Variants in MARCO observed in about 807,000 individuals in gnomAD.
MARCO encodes the protein macrophage receptor MARCO.
In MARCO, 72 loss-of-function variants were observed where a neutral mutation model predicts 70.0. The observed-to-expected ratio is 1.03, with a 90% CI of 0.85 to 1.25. MARCO has a LOEUF of 1.25. MARCO is among the 50% of genes most tolerant of loss of function. The pLI is 0.00. For missense variants in MARCO, 696 were observed against 659.3 expected (o/e 1.06, Z -0.61); for synonymous variants, 273 against 243.1 (o/e 1.12, Z -1.14).
At chr2:118,957,742 A>C (rs1418533208) in intron 1 of MARCO, among the ~76,000 whole-genome samples, 1 of 152,106 alleles carries the variant, frequency 6.6e-6, no homozygotes, top group Non-Finnish European at 1.5e-5. Context: ...TGATGAACAT[A>C]GATGTGAAAA....
intron 1 of MARCO, among the ~76,000 whole-genome samples, chr2:118,968,534 C>T (rs1033119102): frequency 1.3e-5 from 2 of 152,006 alleles, no homozygotes; most frequent in Non-Finnish European, 2.9e-5. Context: ...AAGACCACAC[C>T]CCAGAGTGCT....
Position 118,990,080 on chromosome 2 carries a change from C to T in MARCO, c.1064-509C>T, listed in dbSNP as rs1488058551. On this transcript the variant is annotated intron_variant, in intron 12 of 16. Coordinates refer to ENST00000327097, the MANE Select transcript of MARCO (RefSeq NM_006770.4). ...ATTTTTCCATTTTCTGGACATTAGACCCTTTAGCCACATGAATCTTTAGCC... is the reference window on the plus strand; with the variant it reads ...ATTTTTCCATTTTCTGGACATTAGATCCTTTAGCCACATGAATCTTTAGCC... Among the ~76,000 whole-genome samples, 5 of 152,166 alleles carry T rather than the reference C, an allele frequency of 3.3e-5. No homozygotes were observed. The East Asian group carries it at 7.7e-4, about 23-fold the overall frequency.
intron 1 of MARCO, among the ~76,000 whole-genome samples, chr2:118,943,986 G>A (rs1346254684): frequency 6.6e-6 from 1 of 152,102 alleles, no homozygotes; most frequent in African/African-American, 2.4e-5. Context: ...GAGGGGCAGT[G>A]GATGGAAGGC....
At chr2:118,971,964 G>A (rs750544651) in intron 4 of MARCO, among the ~76,000 whole-genome samples, 4 of 152,220 alleles carry the variant, frequency 2.6e-5, no homozygotes, top group African/African-American at 7.2e-5. Context: ...GTAATGATGG[G>A]AGGCAGGTGT....
intron 2 of MARCO, 140 bp downstream of exon 2, chr2:118,969,401 G>C (rs1227994319): frequency 1.5e-6 from 1 of 649,128 alleles, no homozygotes; most frequent in Non-Finnish European, 2.7e-6. Context: ...TCAGCCCCTG[G>C]CAGCCACAGT....
intron 12 of MARCO, 140 bp from the exon 13 acceptor site, chr2:118,990,449 G>T (rs568338465): frequency 6.4e-6 from 5 of 781,706 alleles, no homozygotes; most frequent in South Asian, 1.7e-5. Flanking sequence ...TGCTGAAGAG[G>T]CTTTAAACAA....
Position 118,981,388 on chromosome 2 carries a change from C to A in MARCO, c.767-21C>A, listed in dbSNP as rs770276668. 5.1e-5 allele frequency: 79 copies of A among 1,552,898 alleles called. No homozygotes were observed. In the East Asian group the frequency reaches 1.7e-3, roughly 34 times the overall value. ...GATTGGAGTTCCTCCCACAACTAAC[C>A]AAGACTTTTTGGTTTTTCAGGAAGC... On this transcript the variant is annotated intron_variant, in intron 8 of 16. Coordinates refer to ENST00000327097, the MANE Select transcript of MARCO (RefSeq NM_006770.4).
chr2:118,945,471 G>C (rs187961664), intron 1 of MARCO, among the ~76,000 whole-genome samples: 1 of 150,946 alleles, frequency 6.6e-6, no homozygotes, highest in African/African-American at 2.4e-5. Flanking sequence ...GGAGTGCAGG[G>C]GAGCGATCTC....
At chr2:118,977,794 T>G (rs2104590555) in intron 7 of MARCO, 34 bp from the exon 8 acceptor site, 1 of 1,533,056 alleles carries the variant, frequency 6.5e-7, no homozygotes, top group East Asian at 2.3e-5. Flanking sequence ...AAAAGGATAG[T>G]GGGAGCCCAT....
Position 118,969,176 on chromosome 2 carries a change from G to A in MARCO, c.114G>A (p.Arg38=), listed in dbSNP as rs1392081299. 1 of 1,614,002 alleles carries A rather than the reference G, an allele frequency of 6.2e-7. No homozygotes were observed. The highest frequency in any genetic ancestry group is 8.5e-7 in the Non-Finnish European group (1 of 1,179,830). Residue 38 remains arginine (R), a synonymous_variant, in exon 2 of 17, where the codon AGG becomes AGA. Transcript: ENST00000327097. The part of the protein sequence containing the change: ...PFEINVPKPK[R]RNGVNFSLAV... Reference sequence around the variant, plus strand: ...GTGTTTCAGTTCCAAAGCCCAAGAGGAGAAATGGGGTGAACTTCTCCCTAG... The same window carrying A: ...GTGTTTCAGTTCCAAAGCCCAAGAGAAGAAATGGGGTGAACTTCTCCCTAG...
Position 118,990,584 on chromosome 2 carries a change from C to G in MARCO, c.1064-5C>G. On this transcript the variant is annotated splice_polypyrimidine_tract_variant and splice_region_variant and intron_variant, in intron 12 of 16. Coordinates refer to ENST00000327097, the MANE Select transcript of MARCO (RefSeq NM_006770.4). ...TCCCCCCCCCCTTTTTTGTTTTGAT[C>G]TTAGGACTTCAAGGACAGCAAGGAA... The G allele has an allele frequency of 4.3e-5, 32 of 744,822 alleles. No individual in the cohort carries two copies. Among genetic ancestry groups the G allele is most frequent in the African/African-American group, 7.2e-5 (4 of 55,848 alleles). 46.1% of individuals were successfully genotyped at this position (744,822 alleles called of 1,614,324 possible).
At chr2:118,967,869 G>A (rs1160421751) in intron 1 of MARCO, among the ~76,000 whole-genome samples, 1 of 152,166 alleles carries the variant, frequency 6.6e-6, no homozygotes, top group Non-Finnish European at 1.5e-5. Flanking sequence ...CTTCATTATT[G>A]TCTGTTTCCC....
intron 13 of MARCO, among the ~76,000 whole-genome samples, chr2:118,991,012 G>A (rs1680612267): frequency 6.6e-6 from 1 of 152,078 alleles, no homozygotes; most frequent in African/African-American, 2.4e-5. Flanking sequence ...TGGCCCACTT[G>A]TCTCTTCTTG....
intron 4 of MARCO, 110 bp from the exon 5 acceptor site, chr2:118,974,223 C>G: frequency 1.4e-6 from 1 of 732,732 alleles, no homozygotes; most frequent in Non-Finnish European, 2.4e-6. Context: ...GTTGGCTCAT[C>G]CCCATGCTCA....
At chr2:118,956,530 C>A (rs1446521895) in intron 1 of MARCO, among the ~76,000 whole-genome samples, 1 of 103,028 alleles carries the variant, frequency 9.7e-6, no homozygotes, top group Non-Finnish European at 1.9e-5. Context: ...AGATAGACAG[C>A]AACACAATAA....
chr2:118,951,165 C>A (rs112292577), intron 1 of MARCO, among the ~76,000 whole-genome samples: 8,456 of 152,236 alleles, frequency 0.056, 364 homozygotes, highest in Admixed American at 0.098. Flanking sequence ...TTACTGAATA[C>A]CCATTGTGTC....
intron 12 of MARCO, among the ~76,000 whole-genome samples, chr2:118,986,640 A>AGAAG: frequency 2.3e-5 from 1 of 42,962 alleles, no homozygotes; most frequent in South Asian, 1.1e-3. Flanking sequence ...AAAGAAAGAA[A>AGAAG]GAAAGAAAGA....
rs1416479867 is a variant in MARCO at position 118,943,585 on chromosome 2, A to T, written c.97+1188A>T. Among the ~76,000 whole-genome samples the T allele has an allele frequency of 6.6e-5, 10 of 152,310 alleles. No individual in the cohort carries two copies. The East Asian group carries it at 1.9e-3, about 29-fold the overall frequency. Reference sequence around the variant, plus strand: ...ATGTTGTGACTGAGACTTCCACAGGACATGATGGACAGATCTAACCAGGTG... The same window carrying T: ...ATGTTGTGACTGAGACTTCCACAGGTCATGATGGACAGATCTAACCAGGTG... On this transcript the variant is annotated intron_variant, in intron 1 of 16. Coordinates refer to ENST00000327097, the MANE Select transcript of MARCO (RefSeq NM_006770.4).
chr2:118,951,343 G>A (rs1159811591), intron 1 of MARCO, among the ~76,000 whole-genome samples: 1 of 152,198 alleles, frequency 6.6e-6, no homozygotes, highest in Non-Finnish European at 1.5e-5. Context: ...GGAATTTTCA[G>A]TGGCTAACGT....
Sources: gnomAD v4.1 joint callset for allele counts (sites outside exome capture counted in the v4.1 genomes callset) on GRCh38, gnomAD v4.1.1 for gene constraint, MANE v1.5 for transcripts, NCBI Gene and HGNC (gene_info 2026-07-23, HGNC 2026-07-21) for gene names.